The following SEL1L2 variants were observed in gnomAD, a reference collection of about 807,000 sequenced individuals.
SEL1L2 encodes protein sel-1 homolog 2.
In SEL1L2, 89 loss-of-function variants were observed where a neutral mutation model predicts 98.8. The ratio of observed to expected loss-of-function variants is 0.90; its 90% confidence interval spans 0.76 to 1.07. The LOEUF (loss-of-function observed/expected upper bound fraction) is 1.07, where lower values mean the gene tolerates loss of function less well. Ranked by LOEUF, SEL1L2 falls within the 50% of genes least tolerant of loss-of-function variation. SEL1L2 has a pLI of 0.00. For synonymous variants in SEL1L2, 262 were observed against 278.5 expected, an observed-to-expected ratio of 0.94 and a Z score of 0.59; for missense variants, 788 against 812.0, an observed-to-expected ratio of 0.97 and a Z score of 0.36.
chr20:13,933,450 A>G (rs2049249720), intron 2 of SEL1L2, among the ~76,000 whole-genome samples: 1 of 152,130 alleles, frequency 6.6e-6, no homozygotes, highest in African/African-American at 2.4e-5. Flanking sequence ...GCCCTAAGCA[A>G]CCACTAATCT....
chr20:13,889,284 C>T (rs1220697477), intron 5 of SEL1L2, among the ~76,000 whole-genome samples: 2 of 152,056 alleles, frequency 1.3e-5, no homozygotes, highest in African/African-American at 4.8e-5. Flanking sequence ...CCACGCCTGG[C>T]CATTGTTAAT....
chr20:13,930,121 C>T (rs906924190), intron 3 of SEL1L2, among the ~76,000 whole-genome samples: 3 of 152,250 alleles, frequency 2.0e-5, no homozygotes, highest in African/African-American at 7.2e-5. Flanking sequence ...CCCACTCCAT[C>T]CTGCTCTGTG....
chr20:13,857,891 A>G (rs1180779992), intron 18 of SEL1L2, among the ~76,000 whole-genome samples: 5 of 152,290 alleles, frequency 3.3e-5, no homozygotes, highest in East Asian at 1.9e-4. Flanking sequence ...GGCAGGGCAG[A>G]TATCTGTTTT....
intron 2 of SEL1L2, among the ~76,000 whole-genome samples, chr20:13,949,774 G>A (rs570948755): frequency 6.6e-6 from 1 of 150,840 alleles, no homozygotes; most frequent in Admixed American, 6.6e-5. Flanking sequence ...AAATGGTGCA[G>A]CCACTGTGGA....
At chr20:13,875,634 C>T (rs1441613762) in intron 12 of SEL1L2, among the ~76,000 whole-genome samples, 1 of 152,152 alleles carries the variant, frequency 6.6e-6, no homozygotes, top group Non-Finnish European at 1.5e-5. Flanking sequence ...CTGGAGAAAA[C>T]TGGACATTCC....
upstream of SEL1L2, among the ~76,000 whole-genome samples, chr20:13,994,295 CAAAAAA>C (rs10557935): frequency 8.5e-5 from 6 of 70,958 alleles, no homozygotes; most frequent in African/African-American, 1.1e-4. Context: ...AACTCTGCCT[CAAAAAA>C]AAAAAAAAAA....
At chr20:13,962,033 G>T (rs2050802294) in intron 1 of SEL1L2, among the ~76,000 whole-genome samples, 2 of 152,260 alleles carry the variant, frequency 1.3e-5, no homozygotes, top group South Asian at 4.1e-4. Flanking sequence ...TCGACATCTT[G>T]ACTTCATACA....
chr20:13,970,759 C>T (rs1440116774), intron 1 of SEL1L2, among the ~76,000 whole-genome samples: 10 of 151,916 alleles, frequency 6.6e-5, no homozygotes, highest in Non-Finnish European at 1.3e-4. Flanking sequence ...TTGAACCTGG[C>T]GGGTGGAGTT....
At chr20:13,938,234 C>G (rs2148354845) in intron 2 of SEL1L2, among the ~76,000 whole-genome samples, 1 of 152,150 alleles carries the variant, frequency 6.6e-6, no homozygotes, top group South Asian at 2.1e-4. Flanking sequence ...GTGCGCACCA[C>G]CACACCTGGC....
At chr20:13,894,389 G>A (rs886415972) in intron 5 of SEL1L2, among the ~76,000 whole-genome samples, 18 of 152,020 alleles carry the variant, frequency 1.2e-4, no homozygotes, top group East Asian at 3.9e-4. Flanking sequence ...GCAAAACCCC[G>A]TCTTTAATAA....
chr20:13,925,327 A>T (rs6135024), intron 3 of SEL1L2, among the ~76,000 whole-genome samples: 11 of 152,166 alleles, frequency 7.2e-5, no homozygotes, highest in Non-Finnish European at 1.3e-4. Context: ...CTGAGGAAAA[A>T]TTTTATATTG....
In SEL1L2 at chr20:13,950,597, C is replaced by T. The variant is rs771841093; in HGVS notation, c.114+5479G>A. Among the ~76,000 whole-genome samples, 32 of 152,228 alleles carry T rather than the reference C, an allele frequency of 2.1e-4. No homozygotes were observed. The Middle Eastern group carries it at 0.01, about 49-fold the overall frequency. On this transcript the variant is annotated intron_variant, in intron 2 of 19. Coordinates refer to ENST00000284951, the MANE Select transcript of SEL1L2 (RefSeq NM_025229.2). ...ACCTGAAATTTTCATCTGGAACAGG[C>T]ACAGTTTAGATTATGACCATGGGAG...
chr20:13,874,187 A>G (rs1416452599), intron 12 of SEL1L2, among the ~76,000 whole-genome samples: 1 of 152,342 alleles, frequency 6.6e-6, no homozygotes, highest in South Asian at 2.1e-4. Flanking sequence ...ACAACGTCAC[A>G]TACAGTCACT....
intron 1 of SEL1L2, among the ~76,000 whole-genome samples, chr20:13,968,321 G>C (rs569478176): frequency 4.6e-5 from 7 of 152,320 alleles, no homozygotes; most frequent in African/African-American, 1.7e-4. Flanking sequence ...TACAAGTAAA[G>C]AGCTTAACAG....
intron 4 of SEL1L2, among the ~76,000 whole-genome samples, chr20:13,917,504 G>GCTACA (rs1361819755): frequency 6.6e-6 from 1 of 152,196 alleles, no homozygotes; most frequent in African/African-American, 2.4e-5. Context: ...CACATGTAAA[G>GCTACA]TACCTAAAAC....
At chr20:13,851,627 C>T (rs975734933) in intron 18 of SEL1L2, among the ~76,000 whole-genome samples, 4 of 150,540 alleles carry the variant, frequency 2.7e-5, no homozygotes, top group African/African-American at 7.4e-5. Context: ...TTTTGGTTTG[C>T]CCAAACAGAG....
At chr20:13,927,669 G>GGT (rs2048961749) in intron 3 of SEL1L2, among the ~76,000 whole-genome samples, 1 of 152,218 alleles carries the variant, frequency 6.6e-6, no homozygotes, top group Non-Finnish European at 1.5e-5. Flanking sequence ...CGGTAGGTCT[G>GGT]TGGAATAGCA....
chr20:13,983,473 A>G (rs971239725), intron 1 of SEL1L2, among the ~76,000 whole-genome samples: 1 of 152,054 alleles, frequency 6.6e-6, no homozygotes, highest in Non-Finnish European at 1.5e-5. Context: ...AATTTTACCT[A>G]TGAATCTTAG....
intron 17 of SEL1L2, among the ~76,000 whole-genome samples, chr20:13,863,245 G>A (rs1156251684): frequency 6.6e-6 from 1 of 152,166 alleles, no homozygotes; most frequent in Non-Finnish European, 1.5e-5. Flanking sequence ...CAAAGAGATA[G>A]GACAATTCTG....
Sources: gnomAD v4.1 joint callset for allele counts (sites outside exome capture counted in the v4.1 genomes callset) on GRCh38, gnomAD v4.1.1 for gene constraint, MANE v1.5 for transcripts, NCBI Gene and HGNC (gene_info 2026-07-23, HGNC 2026-07-21) for gene names.